The following PCDH19 variants were observed in gnomAD, a reference collection of about 807,000 sequenced individuals.
PCDH19 encodes the protein protocadherin-19.
Under a neutral mutation model 46.2 loss-of-function variants are expected in PCDH19, and 6 were observed. The observed-to-expected ratio is 0.13, with a 90% CI of 0.07 to 0.26. PCDH19 has a LOEUF of 0.26. Ranked by LOEUF, PCDH19 falls within the 10% of genes least tolerant of loss-of-function variation. The pLI is 1.00. For missense variants in PCDH19, 740 were observed against 972.3 expected, an observed-to-expected ratio of 0.76 and a Z score of 3.18; for synonymous variants, 481 against 415.7, an observed-to-expected ratio of 1.16 and a Z score of -1.91.
At chrX:100,341,303 C>T (rs751248962) in intron 5 of PCDH19, among the ~76,000 whole-genome samples, 1 of 111,757 alleles carries the variant, frequency 8.9e-6, no homozygotes, top group East Asian at 2.8e-4. Flanking sequence ...GACTCAGCCA[C>T]GTTCTCTTAC....
intron 5 of PCDH19, among the ~76,000 whole-genome samples, chrX:100,327,861 C>T (rs1339919746): frequency 1.8e-5 from 2 of 111,616 alleles, no homozygotes; most frequent in East Asian, 5.7e-4. Context: ...TATATTATAA[C>T]ATGAGTTCCA....
At chrX:100,324,780 T>C (rs1397891649) in intron 5 of PCDH19, among the ~76,000 whole-genome samples, 1 of 111,220 alleles carries the variant, frequency 9.0e-6, no homozygotes, top group Non-Finnish European at 1.9e-5. Context: ...GAATGTTTCA[T>C]CAGCATCATC....
intron 3 of PCDH19, among the ~76,000 whole-genome samples, chrX:100,384,896 C>T (rs912836058): frequency 3.6e-5 from 4 of 111,486 alleles, no homozygotes; most frequent in African/African-American, 6.5e-5. Flanking sequence ...CGGTGGCTCA[C>T]GCCTGTAATC....
intron 3 of PCDH19, among the ~76,000 whole-genome samples, chrX:100,354,691 T>A (rs1247301470): frequency 8.9e-6 from 1 of 112,327 alleles, no homozygotes; most frequent in Admixed American, 9.5e-5. Context: ...CAAGAGCTTT[T>A]TTTTTTGCAT....
In PCDH19 at chrX:100,293,067, A is replaced by G. The variant is rs1469536470; in HGVS notation, c.*3210T>C. ...TTTTTGTTTTTAATATGATAGGGCT[A>G]CAGGGAAAAGTCAGCTAAACTCCCT... On this transcript the variant is annotated 3_prime_UTR_variant, in exon 6 of 6. Coordinates refer to ENST00000373034, the MANE Select transcript of PCDH19 (RefSeq NM_001184880.2). The G allele has an allele frequency of 2.7e-5, 3 of 112,097 alleles. No individual in the cohort carries two copies. The highest frequency in any genetic ancestry group is 5.6e-5 in the Non-Finnish European group (3 of 53,221). 9.2% of individuals were successfully genotyped at this position (112,097 alleles called of 1,213,427 possible). A position where few individuals can be genotyped will look rare whatever the true frequency, so the allele number is the denominator to read the frequency against.
intron 3 of PCDH19, among the ~76,000 whole-genome samples, chrX:100,368,103 T>A (rs1460033840): frequency 8.9e-6 from 1 of 112,023 alleles, no homozygotes; most frequent in Non-Finnish European, 1.9e-5. Context: ...AGTTACATTC[T>A]GTACAAGTGC....
intron 4 of PCDH19, among the ~76,000 whole-genome samples, chrX:100,345,952 A>G (rs974646740): frequency 8.9e-6 from 1 of 112,365 alleles, no homozygotes; most frequent in South Asian, 3.7e-4. Flanking sequence ...CACCCAAAAC[A>G]AATAACAATT....
chrX:100,300,577 G>A (rs983352304), intron 5 of PCDH19, among the ~76,000 whole-genome samples: 1 of 112,019 alleles, frequency 8.9e-6, no homozygotes, highest in Admixed American at 9.5e-5. Context: ...TCCACATATA[G>A]TTGTGGAAAT....
At chrX:100,309,534 AAAAAATAAATTT>A (rs1925065767) in intron 5 of PCDH19, among the ~76,000 whole-genome samples, 1 of 112,198 alleles carries the variant, frequency 8.9e-6, no homozygotes, top group Non-Finnish European at 1.9e-5. Flanking sequence ...CTATTAAAAT[AAAAAATAAATTT>A]AAAAAAATGT....
In PCDH19 at chrX:100,407,830, G is replaced by A. The variant is rs761277974; in HGVS notation, c.768C>T (p.Pro256=). Residue 256 remains proline (P), a synonymous_variant, in exon 1 of 6, where the codon CCC becomes CCT. Transcript: ENST00000373034. ...SVPENSPPNT[P]VIRLNASDPD... ...GATCGCTGGCGTTGAGGCGGATGAC[G>A]GGTGTGTTGGGAGGCGAGTTTTCTG... 8 of 1,211,094 alleles carry A rather than the reference G, an allele frequency of 6.6e-6. No homozygotes were observed. The South Asian group carries it at 1.4e-4, about 21-fold the overall frequency.
chrX:100,366,530 C>T (rs1386247431), intron 3 of PCDH19, among the ~76,000 whole-genome samples: 1 of 112,082 alleles, frequency 8.9e-6, no homozygotes, highest in Non-Finnish European at 1.9e-5. Context: ...GGAGTCATAC[C>T]TTTGCAGTTC....
At chrX:100,333,086 AAAGGAAAGAAGGAAGGAAGGAGGGAGGG>A (rs1925928850) in intron 5 of PCDH19, among the ~76,000 whole-genome samples, 1 of 95,174 alleles carries the variant, frequency 1.1e-5, no homozygotes, top group East Asian at 3.5e-4. Context: ...GAAAGAGAAA[AAAGGAAAGAAGGAAGGAAGGAGGGAGGG>A]AAGGAAGGAA....
chrX:100,377,156 T>C (rs1927411239), intron 3 of PCDH19, among the ~76,000 whole-genome samples: 1 of 112,234 alleles, frequency 8.9e-6, no homozygotes, highest in Admixed American at 9.4e-5. Flanking sequence ...CTGTCTTAAG[T>C]CTGTATGAAG....
intron 3 of PCDH19, among the ~76,000 whole-genome samples, chrX:100,392,961 G>A (rs1927905092): frequency 9.0e-6 from 1 of 111,076 alleles, no homozygotes; most frequent in Non-Finnish European, 1.9e-5. Context: ...TGTACACATA[G>A]GCAGTCCATA....
At chrX:100,399,691 T>C (rs1335104932) in intron 3 of PCDH19, among the ~76,000 whole-genome samples, 1 of 111,692 alleles carries the variant, frequency 9.0e-6, no homozygotes, top group Non-Finnish European at 1.9e-5. Flanking sequence ...GCCTCTCTCC[T>C]TTCTGAATGG....
chrX:100,403,824 T>C (rs1928267526), intron 1 of PCDH19, among the ~76,000 whole-genome samples, 160 bp from the exon 2 acceptor site: 1 of 112,697 alleles, frequency 8.9e-6, no homozygotes, highest in Admixed American at 9.4e-5. Context: ...AAGAGACTTG[T>C]CAAAAGAAAT....
At chrX:100,322,855 A>AT (rs1174067533) in intron 5 of PCDH19, among the ~76,000 whole-genome samples, 4 of 54,732 alleles carry the variant, frequency 7.3e-5, no homozygotes, top group Non-Finnish European at 1.0e-4. Flanking sequence ...ATATATATAT[A>AT]TATATATATA....
At chrX:100,388,688 T>A (rs967339410) in intron 3 of PCDH19, among the ~76,000 whole-genome samples, 1 of 111,181 alleles carries the variant, frequency 9.0e-6, no homozygotes. Context: ...TTTTAAATTA[T>A]ACTCCATGTT....
At chrX:100,352,517 T>C (rs757025555) in intron 3 of PCDH19, among the ~76,000 whole-genome samples, 1 of 112,675 alleles carries the variant, frequency 8.9e-6, no homozygotes, top group Non-Finnish European at 1.9e-5. Context: ...CCAAATCTCA[T>C]GTTGAATTAT....
Sources: allele counts gnomAD v4.1 joint callset (sites outside exome capture counted in the v4.1 genomes callset), GRCh38; gene constraint gnomAD v4.1.1; transcripts MANE v1.5; gene names NCBI Gene and HGNC (gene_info 2026-07-23, HGNC 2026-07-21).